The following TBRG1 variants were observed in gnomAD, a reference collection of about 807,000 sequenced individuals.
TBRG1 encodes the protein transforming growth factor beta regulator 1.
In TBRG1, 31 loss-of-function variants were observed where a neutral mutation model predicts 44.0. The ratio of observed to expected loss-of-function variants is 0.70; its 90% CI spans 0.53 to 0.95. The LOEUF (loss-of-function observed/expected upper bound fraction) is 0.95, where lower values mean the gene tolerates loss of function less well. TBRG1 is among the 40% of genes least tolerant of loss of function. TBRG1 has a pLI of 0.00. For synonymous variants in TBRG1, 171 were observed against 188.1 expected, an observed-to-expected ratio of 0.91 and a Z score of 0.74; for missense variants, 487 against 496.1, an observed-to-expected ratio of 0.98 and a Z score of 0.18.
chr11:124,631,136 T>C, intron 7 of TBRG1, 139 bp from the exon 8 acceptor site: 4 of 861,744 alleles, frequency 4.6e-6, no homozygotes, highest in Non-Finnish European at 7.0e-6. Flanking sequence ...TTATTTCTTT[T>C]AGGTTTTTGT....
chr11:124,626,347 A>G, intron 3 of TBRG1, 126 bp from the exon 4 acceptor site: 1 of 875,896 alleles, frequency 1.1e-6, no homozygotes, highest in African/African-American at 1.7e-5. Flanking sequence ...AAAGCCCCAT[A>G]TGCCCATTCA....
In TBRG1 at chr11:124,630,815, A is replaced by G. The variant is rs1288796364; in HGVS notation, c.907A>G (p.Asn303Asp). 2 of 1,605,388 alleles carry G rather than the reference A, an allele frequency of 1.2e-6. No homozygotes were observed. The highest frequency in any genetic ancestry group is 1.7e-5 in the Admixed American group (1 of 58,926). The change falls in exon 7 of 9, where the codon AAC (asparagine) becomes GAC (aspartate). Residue 303 changes from asparagine (N) to aspartate (D), a missense_variant. Coordinates refer to ENST00000441174, the MANE Select transcript of TBRG1 (RefSeq NM_032811.3). The part of the protein sequence containing the change: ...FFGFSHPAIH[N>D]LIQSCPGARK... ...TGGATTTTCTCATCCAGCCATCCACAACCTGATCCAGAGCTGTCCAGGAGC... is the reference window on the plus strand; with the variant it reads ...TGGATTTTCTCATCCAGCCATCCACGACCTGATCCAGAGCTGTCCAGGAGC...
At chr11:124,631,641 G>A in intron 8 of TBRG1, 1 of 576,278 alleles carries the variant, frequency 1.7e-6, no homozygotes, top group South Asian at 2.0e-5. Flanking sequence ...AGTAAGGCAG[G>A]GTACCCCAGA....
intron 7 of TBRG1, 62 bp downstream of exon 7, chr11:124,630,917 C>A: frequency 8.3e-7 from 1 of 1,207,870 alleles, no homozygotes; most frequent in Non-Finnish European, 1.2e-6. Context: ...CAGGGACTGG[C>A]AGTTCCTACT....
chr11:124,630,541 A>G (rs1942585889), intron 6 of TBRG1, 56 bp downstream of exon 6: 1 of 1,324,808 alleles, frequency 7.5e-7, no homozygotes, highest in Non-Finnish European at 1.1e-6. Context: ...GTACAGTGAA[A>G]CCTTTTCTCT....
chr11:124,624,379 A>AAAAAG (rs1565398245), intron 1 of TBRG1, among the ~76,000 whole-genome samples: 266 of 147,708 alleles, frequency 1.8e-3, no homozygotes, highest in African/African-American at 6.8e-3. Flanking sequence ...AAAAAAAAAA[A>AAAAAG]AAAAGAAAAA....
At position 124,626,970 on chromosome 11, in the gene TBRG1, CGAAT is replaced by C; in HGVS notation, c.659_662del (p.Arg220HisfsTer5). 4.4e-6 allele frequency: 7 copies of C among 1,594,802 alleles called. No homozygotes were observed. Among genetic ancestry groups the C allele is most frequent in the Non-Finnish European group, 6.0e-6 (7 of 1,169,556 alleles). ...CTACCCCGTGGGCTATTGCAGTACT[CGAAT>C]ATATGCCAGCATGAAGTGCCCAGAC... On this transcript the variant is annotated frameshift_variant, in exon 5 of 9. Coordinates refer to ENST00000441174, the MANE Select transcript of TBRG1 (RefSeq NM_032811.3). LOFTEE classifies it high-confidence loss of function.
intron 1 of TBRG1, chr11:124,623,604 C>T: frequency 2.7e-6 from 1 of 367,328 alleles, no homozygotes; most frequent in Non-Finnish European, 5.3e-6. Context: ...CACTGAAGCC[C>T]AGAGAGATGA....
intron 8 of TBRG1, 49 bp downstream of exon 8, chr11:124,631,466 T>A: frequency 6.3e-7 from 1 of 1,578,898 alleles, no homozygotes; most frequent in Non-Finnish European, 8.7e-7. Flanking sequence ...GTGTTTAGGC[T>A]ACCTTCCCAT....
At position 124,632,829 on chromosome 11, in the gene TBRG1, A is replaced by C. The variant is rs1942644243; in HGVS notation, c.*591A>C. 1 of 152,212 alleles carries C rather than the reference A, an allele frequency of 6.6e-6. No homozygotes were observed. Among genetic ancestry groups the C allele is most frequent in the African/African-American group, 2.4e-5 (1 of 41,416 alleles). 9.4% of individuals were successfully genotyped at this position (152,212 alleles called of 1,614,324 possible). On this transcript the variant is annotated 3_prime_UTR_variant, in exon 9 of 9. Transcript: ENST00000441174. Reference sequence around the variant, plus strand: ...AAAGGCCCCACCTCCCAATACCATCACATTAGGGGTTAGGATTTAACATGA... The same window carrying C: ...AAAGGCCCCACCTCCCAATACCATCCCATTAGGGGTTAGGATTTAACATGA...
At position 124,625,702 on chromosome 11, in the gene TBRG1, G is replaced by A; in HGVS notation, c.253G>A (p.Ala85Thr). ...GCTAAAGAAGCTCCTCCAGCTTCAGGCTCTAACTGAAGGGGAAGTACAGGC... is the reference window on the plus strand; with the variant it reads ...GCTAAAGAAGCTCCTCCAGCTTCAGACTCTAACTGAAGGGGAAGTACAGGC... Reference protein sequence around the residue: ...YLLKKLLQLQALTEGEVQAAA... With the variant: ...YLLKKLLQLQTLTEGEVQAAA... Residue 85 changes from alanine (A) to threonine (T), a missense_variant, in exon 3 of 9, where the codon GCT becomes ACT. Transcript: ENST00000441174. 1 of 1,552,854 alleles carries A rather than the reference G, an allele frequency of 6.4e-7. No individual in the cohort carries two copies. Among genetic ancestry groups the A allele is most frequent in the South Asian group, 1.2e-5 (1 of 84,124 alleles).
chr11:124,624,882 T>TG, intron 1 of TBRG1, 49 bp from the exon 2 acceptor site: 1 of 1,012,690 alleles, frequency 9.9e-7, no homozygotes, highest in Non-Finnish European at 1.4e-6. Flanking sequence ...CATAATAATG[T>TG]GATTTTTTTA....
At chr11:124,624,141 A>G (rs1354401301) in intron 1 of TBRG1, among the ~76,000 whole-genome samples, 1 of 152,182 alleles carries the variant, frequency 6.6e-6, no homozygotes, top group Non-Finnish European at 1.5e-5. Flanking sequence ...CATCTGATTG[A>G]CTGTTCCCTT....
Position 124,632,398 on chromosome 11 carries a change from T to A in TBRG1, c.*160T>A. On this transcript the variant is annotated 3_prime_UTR_variant, in exon 9 of 9. Coordinates refer to ENST00000441174, the MANE Select transcript of TBRG1 (RefSeq NM_032811.3). ...GGTGATGGTTTTCCCTGGGAAAACC[T>A]TCAGCTGCTTTATTTTTAGTAATAA... is the stretch of plus-strand genomic sequence containing the variant. The A allele has an allele frequency of 1.6e-5, 8 of 506,692 alleles. No homozygotes were observed. The highest frequency in any genetic ancestry group is 2.1e-5 in the Non-Finnish European group (6 of 289,454). 31.4% of individuals were successfully genotyped at this position (506,692 alleles called of 1,614,324 possible).
At chr11:124,623,804 C>T (rs1049247180) in intron 1 of TBRG1, among the ~76,000 whole-genome samples, 2 of 152,216 alleles carry the variant, frequency 1.3e-5, no homozygotes, top group Non-Finnish European at 2.9e-5. Flanking sequence ...AGTGTTTCTT[C>T]CTTTCTTTTA....
intron 3 of TBRG1, 103 bp downstream of exon 3, chr11:124,626,006 A>AT (rs1366726742): frequency 2.8e-6 from 4 of 1,423,256 alleles, no homozygotes; most frequent in African/African-American, 2.9e-5. Flanking sequence ...ATGTACTTAG[A>AT]GTCTCATCTG....
intron 6 of TBRG1, 23 bp from the exon 7 acceptor site, chr11:124,630,722 A>G: frequency 1.3e-6 from 2 of 1,536,766 alleles, no homozygotes; most frequent in Non-Finnish European, 1.8e-6. Flanking sequence ...CTCTCAAACT[A>G]AAATTATCCC....
chr11:124,628,065 T>TTTTATATATA (rs1942511219), intron 5 of TBRG1, among the ~76,000 whole-genome samples: 1 of 69,840 alleles, frequency 1.4e-5, no homozygotes, highest in South Asian at 6.2e-4. Flanking sequence ...AGTAGCTGTT[T>TTTTATATATA]TATATATATA....
Position 124,630,232 on chromosome 11 carries a change from C to A in TBRG1, c.739-156C>A, listed in dbSNP as rs1484835993. 4 of 619,904 alleles carry A rather than the reference C, an allele frequency of 6.5e-6. No individual in the cohort carries two copies. In the African/African-American group the frequency reaches 7.3e-5, roughly 11 times the overall value. The allele number at this position is 619,904 out of a possible 1,614,324, so 38.4% of individuals were successfully genotyped here. ...TTTCTCTAGGTACTTGGATTTGTTTCAATTTTTAGCAGCCCTATAGGAAAG... is the reference window on the plus strand; with the variant it reads ...TTTCTCTAGGTACTTGGATTTGTTTAAATTTTTAGCAGCCCTATAGGAAAG... On this transcript the variant is annotated intron_variant, in intron 5 of 8. Coordinates refer to ENST00000441174, the MANE Select transcript of TBRG1 (RefSeq NM_032811.3).
Sources: gnomAD v4.1 joint callset for allele counts (sites outside exome capture counted in the v4.1 genomes callset) on GRCh38, gnomAD v4.1.1 for gene constraint, MANE v1.5 for transcripts, NCBI Gene and HGNC (gene_info 2026-07-23, HGNC 2026-07-21) for gene names.